The following FNDC4 variants were observed in gnomAD, a reference collection of about 807,000 sequenced individuals.
FNDC4 encodes the protein fibronectin type III domain containing 4.
Under a neutral mutation model 25.1 loss-of-function variants are expected in FNDC4, and 11 were observed. That is an observed-to-expected ratio of 0.44 (90% CI 0.28 to 0.73). The LOEUF (loss-of-function observed/expected upper bound fraction) is 0.73, where lower values mean the gene tolerates loss of function less well. Ranked by LOEUF, FNDC4 falls within the 30% of genes least tolerant of loss-of-function variation. The pLI, the probability that FNDC4 is intolerant of heterozygous loss-of-function variation, is 0.16. For synonymous variants in FNDC4, 136 were observed against 118.8 expected, an observed-to-expected ratio of 1.14 and a Z score of -0.94; for missense variants, 250 against 304.3, an observed-to-expected ratio of 0.82 and a Z score of 1.33.
Position 27,493,807 on chromosome 2 carries a change from T to C in FNDC4, c.454+123A>G, listed in dbSNP as rs539700316. 8.6e-5 allele frequency: 81 copies of C among 941,426 alleles called. No individual in the cohort carries two copies. The African/African-American group carries it at 1.2e-3, about 14-fold the overall frequency. 58.3% of individuals were successfully genotyped at this position (941,426 alleles called of 1,614,324 possible). A position where few individuals can be genotyped will look rare whatever the true frequency, so the allele number is the denominator to read the frequency against. ...TCCCACCTGCTTTTCTTTCCTTTCC[T>C]GGCAGTACAATGAATTAAATCATCC... On this transcript the variant is annotated intron_variant, in intron 4 of 6. Coordinates refer to ENST00000264703, the MANE Select transcript of FNDC4 (RefSeq NM_022823.3).
chr2:27,494,255 C>T lies in FNDC4; in HGVS notation c.249+96G>A. ...AGTAGCGTGAAAAGGGCAGCCTGAG[C>T]CAGGATACGCCAGCTTCCAGATCCC... On this transcript the variant is annotated intron_variant, in intron 3 of 6. Coordinates refer to ENST00000264703, the MANE Select transcript of FNDC4 (RefSeq NM_022823.3). This position sits in a 1 kb window ranked among gnomAD's most constrained non-coding sequence, Gnocchi z 4.6. 1 of 1,381,218 alleles carries T rather than the reference C, an allele frequency of 7.2e-7. No homozygotes were observed. Among genetic ancestry groups the T allele is most frequent in the Non-Finnish European group, 1.0e-6 (1 of 983,170 alleles). 85.6% of individuals were successfully genotyped at this position (1,381,218 alleles called of 1,614,324 possible). A position where few individuals can be genotyped will look rare whatever the true frequency, so the allele number is the denominator to read the frequency against.
rs1669296798 is a variant in FNDC4, at chr2:27,492,986, C to G, written c.545-196G>C. 6.6e-6 allele frequency among the ~76,000 whole-genome samples: 1 copy of G among 151,310 alleles called. No individual in the cohort carries two copies. Among genetic ancestry groups the G allele is most frequent in the African/African-American group, 2.4e-5 (1 of 41,066 alleles). ...CCCTCCTGAACTAAGTATCTCCCCA[C>G]TCCACTCTATTTCTCTTACTTTTTT... On this transcript the variant is annotated intron_variant, in intron 5 of 6. Transcript: ENST00000264703. The surrounding 1 kb of genome is among the most constrained non-coding windows in gnomAD (Gnocchi z 4.1).
chr2:27,494,739 GC>G lies in FNDC4; in HGVS notation c.-24-37del. 1 of 1,309,044 alleles carries G rather than the reference GC, an allele frequency of 7.6e-7. No homozygotes were observed. The highest frequency in any genetic ancestry group is 1.0e-6 in the Non-Finnish European group (1 of 974,724). 81.1% of individuals were successfully genotyped at this position (1,309,044 alleles called of 1,614,324 possible). On this transcript the variant is annotated intron_variant, in intron 1 of 6. Transcript: ENST00000264703. This position sits in a 1 kb window ranked among gnomAD's most constrained non-coding sequence, Gnocchi z 4.6. ...CAGGAGTTGTGGGGGGTCAAGGACT[GC>G]CCAGAACGCACGGAGGTCGGGGGGC... is the stretch of plus-strand genomic sequence containing the variant.
In FNDC4 at chr2:27,494,035, G is replaced by A; in HGVS notation, c.349C>T (p.Gln117Ter). 4 of 1,614,174 alleles carry A rather than the reference G, an allele frequency of 2.5e-6. No individual in the cohort carries two copies. Among genetic ancestry groups the A allele is most frequent in the Non-Finnish European group, 3.4e-6 (4 of 1,180,000 alleles). ...CCCCGAAGGCCGATGCTCCTGACCT[G>A]CACTGTGTAGTCACTGTCTTCAGCC... is the stretch of plus-strand genomic sequence containing the variant. ...GLAEDSDYTV[Q>*]VRSIGLRGES... Residue 117 changes from glutamine to a stop codon, truncating the protein, a stop_gained, in exon 4 of 7, where the codon CAG (glutamine) becomes TAG (stop). Coordinates refer to ENST00000264703, the MANE Select transcript of FNDC4 (RefSeq NM_022823.3). LOFTEE classifies it high-confidence loss of function. The surrounding 1 kb of genome is among the most constrained non-coding windows in gnomAD (Gnocchi z 4.6).
Position 27,492,449 on chromosome 2 carries a change from G to A in FNDC4, c.699C>T (p.Asp233=), listed in dbSNP as rs145651257. The A allele has an allele frequency of 1.4e-5, 23 of 1,614,136 alleles. No homozygotes were observed. The highest frequency in any genetic ancestry group is 1.9e-5 in the Non-Finnish European group (23 of 1,179,998). ...TCTGGGTGTGTTTCTTCACTCAAAC[G>A]TCGATGGTGTTGATAGATGGTGACT... The part of the protein sequence containing the change: ...QKKSPSINTI[D]V Residue 233 remains aspartate (D), a synonymous_variant, in exon 7 of 7, where the codon GAC becomes GAT. Coordinates refer to ENST00000264703, the MANE Select transcript of FNDC4 (RefSeq NM_022823.3). This position sits in a 1 kb window ranked among gnomAD's most constrained non-coding sequence, Gnocchi z 4.1.
In FNDC4 at chr2:27,493,801, C is replaced by T. The variant is rs112137906; in HGVS notation, c.454+129G>A. 6.1e-4 allele frequency: 562 copies of T among 921,660 alleles called. 1 individual carries two copies. The African/African-American group carries it at 8.3e-3, about 14-fold the overall frequency. The allele number at this position is 921,660 out of a possible 1,614,324, so 57.1% of individuals were successfully genotyped here. A position where few individuals can be genotyped will look rare whatever the true frequency, so the allele number is the denominator to read the frequency against. ...TCCCCTTCCCACCTGCTTTTCTTTC[C>T]TTTCCTGGCAGTACAATGAATTAAA... On this transcript the variant is annotated intron_variant, in intron 4 of 6. Transcript: ENST00000264703.
Position 27,492,511 on chromosome 2 carries a change from A to C in FNDC4, c.670-33T>G, listed in dbSNP as rs1405224992. 3.1e-6 allele frequency: 5 copies of C among 1,606,950 alleles called. No individual in the cohort carries two copies. The highest frequency in any genetic ancestry group is 4.3e-6 in the Non-Finnish European group (5 of 1,173,468). The stretch of plus-strand genomic sequence containing the variant: ...AGAAAATGGCCTGAGTCTCAACTTC[A>C]GGAAGGTAATAGGTGCCACCCTTTC... On this transcript the variant is annotated intron_variant, in intron 6 of 6. Coordinates refer to ENST00000264703, the MANE Select transcript of FNDC4 (RefSeq NM_022823.3). This position sits in a 1 kb window ranked among gnomAD's most constrained non-coding sequence, Gnocchi z 4.1.
chr2:27,494,652 G>T lies in FNDC4; in HGVS notation c.28C>A (p.Pro10Thr), dbSNP rs200359139. The T allele has an allele frequency of 9.5e-6, 15 of 1,582,206 alleles. No homozygotes were observed. The highest frequency in any genetic ancestry group is 2.7e-5 in the African/African-American group (2 of 73,476). MPSGCHSSP[P>T]SGLRGDMASL... is the part of the protein sequence containing the mutation. ...GCCATGTCCCCACGGAGTCCGCTGGGGGGGGAACTGTGGCATCCGCTTGGC... is the reference window on the plus strand; with the variant it reads ...GCCATGTCCCCACGGAGTCCGCTGGTGGGGGAACTGTGGCATCCGCTTGGC... Residue 10 changes from proline (P) to threonine (T), a missense_variant, in exon 2 of 7, where the codon CCC becomes ACC. Pro to Thr is a conservative substitution (Grantham distance 38, BLOSUM62 -1). Coordinates refer to ENST00000264703, the MANE Select transcript of FNDC4 (RefSeq NM_022823.3). This position sits in a 1 kb window ranked among gnomAD's most constrained non-coding sequence, Gnocchi z 4.6.
rs1185149164 is a variant in FNDC4, at chr2:27,492,805, A to G, written c.545-15T>C. 6.2e-7 allele frequency: 1 copy of G among 1,614,000 alleles called. No individual in the cohort carries two copies. The highest frequency in any genetic ancestry group is 8.5e-7 in the Non-Finnish European group (1 of 1,180,006). ...CCCAATTACAGCTGAAACACAATAC[A>G]GTCTGAGCCTTCATCTCCACTTCCC... On this transcript the variant is annotated splice_polypyrimidine_tract_variant and intron_variant, in intron 5 of 6. Coordinates refer to ENST00000264703, the MANE Select transcript of FNDC4 (RefSeq NM_022823.3). This position sits in a 1 kb window ranked among gnomAD's most constrained non-coding sequence, Gnocchi z 4.1.
At chr2:27,493,058 G>T (rs1428426146) in intron 5 of FNDC4, among the ~76,000 whole-genome samples, 1 of 140,988 alleles carries the variant, frequency 7.1e-6, no homozygotes, top group East Asian at 2.0e-4. Flanking sequence ...GCCCAGGCTG[G>T]AGTGCAGTGG....
chr2:27,494,760 G>A lies in FNDC4; in HGVS notation c.-24-57C>T, dbSNP rs1669343850. The stretch of plus-strand genomic sequence containing the variant: ...GACTGCCCAGAACGCACGGAGGTCG[G>A]GGGGCAGCAGCTCTCCTGGGCTCCC... On this transcript the variant is annotated intron_variant, in intron 1 of 6. Transcript: ENST00000264703. This position sits in a 1 kb window ranked among gnomAD's most constrained non-coding sequence, Gnocchi z 4.6. 3.8e-6 allele frequency: 3 copies of A among 792,938 alleles called. No individual in the cohort carries two copies. Among genetic ancestry groups the A allele is most frequent in the Non-Finnish European group, 5.9e-6 (3 of 508,678 alleles). The allele number at this position is 792,938 out of a possible 1,614,324, so 49.1% of individuals were successfully genotyped here.
Position 27,492,456 on chromosome 2 carries a change from G to A in FNDC4, c.692C>T (p.Thr231Ile). 6.2e-7 allele frequency: 1 copy of A among 1,614,150 alleles called. No individual in the cohort carries two copies. Residue 231 changes from threonine to isoleucine, a missense_variant, in exon 7 of 7, where the codon ACC becomes ATC. Coordinates refer to ENST00000264703, the MANE Select transcript of FNDC4 (RefSeq NM_022823.3). The surrounding 1 kb of genome is among the most constrained non-coding windows in gnomAD (Gnocchi z 4.1). The part of the protein sequence containing the change: ...TRQKKSPSIN[T>I]IDV The stretch of plus-strand genomic sequence containing the variant: ...GTGTTTCTTCACTCAAACGTCGATG[G>A]TGTTGATAGATGGTGACTTTTTCTG...
chr2:27,492,769 C>T lies in FNDC4; in HGVS notation c.566G>A (p.Arg189His), dbSNP rs199626501. The T allele has an allele frequency of 4.6e-5, 74 of 1,614,058 alleles. No individual in the cohort carries two copies. The highest frequency in any genetic ancestry group is 2.0e-4 in the Admixed American group (12 of 60,018). Residue 189 changes from arginine to histidine, a missense_variant, in exon 6 of 7, where the codon CGT (arginine) becomes CAT (histidine). Coordinates refer to ENST00000264703, the MANE Select transcript of FNDC4 (RefSeq NM_022823.3). The surrounding 1 kb of genome is among the most constrained non-coding windows in gnomAD (Gnocchi z 4.1). Reference sequence around the variant, plus strand: ...ATTGTCCTTGATGATGTCATACTGACGGCAGAACAGCCCAATTACAGCTGA... The same window carrying T: ...ATTGTCCTTGATGATGTCATACTGATGGCAGAACAGCCCAATTACAGCTGA... ...MWAAVIGLFC[R>H]QYDIIKDNDS...
At chr2:27,493,875 T>C (rs572820206) in intron 4 of FNDC4, 55 bp downstream of exon 4, 40 of 1,514,684 alleles carry the variant, frequency 2.6e-5, no homozygotes, top group Non-Finnish European at 3.6e-5. Context: ...GGGAAGTAAG[T>C]AAGAGGCTGC....
At position 27,494,093 on chromosome 2, in the gene FNDC4, G is replaced by C; in HGVS notation, c.291C>G (p.Asn97Lys). The C allele has an allele frequency of 1.2e-6, 2 of 1,614,128 alleles. No individual in the cohort carries two copies. The highest frequency in any genetic ancestry group is 1.7e-6 in the Non-Finnish European group (2 of 1,180,030). ...GPGQRVIREV[N>K]TTTRACALWG... ...AGAGGGCACAGGCCCGGGTGGTGGT[G>C]TTCACCTCCCGAATCACACGCTGCC... Residue 97 changes from asparagine to lysine, a missense_variant, in exon 4 of 7, where the codon AAC becomes AAG. Physicochemically the swap from Asn to Lys is moderately conservative, Grantham distance 94. Transcript: ENST00000264703. This position sits in a 1 kb window ranked among gnomAD's most constrained non-coding sequence, Gnocchi z 4.6.
chr2:27,493,824 A>T, intron 4 of FNDC4, 106 bp downstream of exon 4: 1 of 1,043,776 alleles, frequency 9.6e-7, no homozygotes, highest in Non-Finnish European at 1.5e-6. Flanking sequence ...ACAATGAATT[A>T]AATCATCCTA....
Position 27,492,919 on chromosome 2 carries a change from C to G in FNDC4, c.545-129G>C. 1 of 943,146 alleles carries G rather than the reference C, an allele frequency of 1.1e-6. No individual in the cohort carries two copies. The highest frequency in any genetic ancestry group is 2.5e-5 in the East Asian group (1 of 40,258). The allele number at this position is 943,146 out of a possible 1,614,324, so 58.4% of individuals were successfully genotyped here. Reference sequence around the variant, plus strand: ...TGCCCATGCAGTCCTCCTCTCTGGGCTCTCAACAGCCTCCTCTCCCTCTCT... The same window carrying G: ...TGCCCATGCAGTCCTCCTCTCTGGGGTCTCAACAGCCTCCTCTCCCTCTCT... On this transcript the variant is annotated intron_variant, in intron 5 of 6. Coordinates refer to ENST00000264703, the MANE Select transcript of FNDC4 (RefSeq NM_022823.3). The surrounding 1 kb of genome is among the most constrained non-coding windows in gnomAD (Gnocchi z 4.1).
chr2:27,494,824 GC>G lies in FNDC4; in HGVS notation c.-25+53del. Reference sequence around the variant, plus strand: ...AGCCCTATTTTCTCTACGCCCTCCCGCCCCCGCATTGCCCGGGCGGCCCCAG... The same window carrying G: ...AGCCCTATTTTCTCTACGCCCTCCCGCCCCGCATTGCCCGGGCGGCCCCAG... On this transcript the variant is annotated intron_variant, in intron 1 of 6. Transcript: ENST00000264703. The surrounding 1 kb of genome is among the most constrained non-coding windows in gnomAD (Gnocchi z 4.6). The G allele has an allele frequency of 1.7e-6, 1 of 572,194 alleles. No homozygotes were observed. Among genetic ancestry groups the G allele is most frequent in the Non-Finnish European group, 3.1e-6 (1 of 327,432 alleles). The allele number at this position is 572,194 out of a possible 1,614,324, so 35.4% of individuals were successfully genotyped here. A position where few individuals can be genotyped will look rare whatever the true frequency, so the allele number is the denominator to read the frequency against.
rs1041622419 is a variant in FNDC4, at chr2:27,494,340, G to C, written c.249+11C>G. ...GGACACAGGTTGGGGGAGCAGAAGGGTGATTCATACTTGCTGGGAAATGGA... is the reference window on the plus strand; with the variant it reads ...GGACACAGGTTGGGGGAGCAGAAGGCTGATTCATACTTGCTGGGAAATGGA... On this transcript the variant is annotated intron_variant, in intron 3 of 6. Transcript: ENST00000264703. This position sits in a 1 kb window ranked among gnomAD's most constrained non-coding sequence, Gnocchi z 4.6. 34 of 1,600,512 alleles carry C rather than the reference G, an allele frequency of 2.1e-5. No homozygotes were observed. The highest frequency in any genetic ancestry group is 1.7e-4 in the Middle Eastern group (1 of 6,058).
Sources: gnomAD v4.1 joint callset for allele counts (sites outside exome capture counted in the v4.1 genomes callset) on GRCh38, gnomAD v4.1.1 for gene constraint, Gnocchi (gnomAD v3.1) non-coding constraint, MANE v1.5 for transcripts, NCBI Gene and HGNC (gene_info 2026-07-23, HGNC 2026-07-21) for gene names.